The following AKT3 variants were observed in gnomAD, a reference collection of about 807,000 sequenced individuals.
The protein encoded by AKT3 is RAC-gamma serine/threonine-protein kinase.
In AKT3, 15 loss-of-function variants were observed where a neutral mutation model predicts 65.3. The ratio of observed to expected loss-of-function variants is 0.23; its 90% confidence interval spans 0.15 to 0.35. The LOEUF (loss-of-function observed/expected upper bound fraction) is 0.35. AKT3 is among the 10% of genes least tolerant of loss of function. The pLI is 1.00. For missense variants in AKT3, 243 were observed against 576.5 expected, an observed-to-expected ratio of 0.42 and a Z score of 5.92; for synonymous variants, 206 against 183.8, an observed-to-expected ratio of 1.12 and a Z score of -0.98.
intron 2 of AKT3, among the ~76,000 whole-genome samples, chr1:243,702,202 C>T (rs943826250): frequency 6.6e-6 from 1 of 151,208 alleles, no homozygotes; most frequent in Non-Finnish European, 1.5e-5. Context: ...TAAACCAATG[C>T]TATGTTGTGT....
rs1572269320 is a variant in AKT3, at chr1:243,746,961, T to G, written c.47-51245A>C. Among the ~76,000 whole-genome samples, 4 of 152,134 alleles carry G rather than the reference T, an allele frequency of 2.6e-5. No individual in the cohort carries two copies. In the South Asian group the frequency reaches 8.3e-4, roughly 32 times the overall value. ...GCTGCCATGCTGAGTTTAACAACAA[T>G]CATCAAAAGGGGCTTTGGGAGCTCA... On this transcript the variant is annotated intron_variant, in intron 2 of 13. Transcript: ENST00000673466.
At chr1:243,641,617 A>C (rs1558676105) in intron 5 of AKT3, among the ~76,000 whole-genome samples, 1 of 152,128 alleles carries the variant, frequency 6.6e-6, no homozygotes, top group Non-Finnish European at 1.5e-5. Context: ...ATTATAAAAT[A>C]TTACTATATT....
intron 2 of AKT3, among the ~76,000 whole-genome samples, chr1:243,765,616 T>G (rs1358868543): frequency 1.3e-5 from 2 of 152,184 alleles, no homozygotes; most frequent in Non-Finnish European, 2.9e-5. Flanking sequence ...TGTCTCCTGA[T>G]TCCCTTGTTA....
chr1:243,759,642 G>T (rs548898359), intron 2 of AKT3, among the ~76,000 whole-genome samples: 1 of 152,082 alleles, frequency 6.6e-6, no homozygotes, highest in South Asian at 2.1e-4. Context: ...CAATCTGAAG[G>T]TCACATCTTA....
At chr1:243,684,331 C>T (rs764668719) in intron 3 of AKT3, among the ~76,000 whole-genome samples, 8 of 152,070 alleles carry the variant, frequency 5.3e-5, no homozygotes, top group East Asian at 1.9e-4. Context: ...CAACATGCCC[C>T]GGTGTGTGAT....
At chr1:243,840,586 T>A (rs886171814) in intron 2 of AKT3, among the ~76,000 whole-genome samples, 1 of 152,222 alleles carries the variant, frequency 6.6e-6, no homozygotes, top group African/African-American at 2.4e-5. Context: ...TATAATGTAA[T>A]ATTTTAACTG....
intron 2 of AKT3, among the ~76,000 whole-genome samples, chr1:243,701,665 C>CAAAAAAAAA (rs74162707): frequency 8.0e-6 from 1 of 124,962 alleles, no homozygotes; most frequent in Non-Finnish European, 1.6e-5. Context: ...AGAAAAAATG[C>CAAAAAAAAA]AAAAAAAAAA....
At chr1:243,535,208 T>TTTTAAAATATATTTTACAATA in intron 12 of AKT3, among the ~76,000 whole-genome samples, 1 of 47,080 alleles carries the variant, frequency 2.1e-5, no homozygotes, top group African/African-American at 3.9e-5. Flanking sequence ...ATTTTAAAAT[T>TTTTAAAATATATTTTACAATA]ATTTTAAAAT....
At chr1:243,840,133 T>C (rs762282438) in intron 2 of AKT3, among the ~76,000 whole-genome samples, 7 of 152,108 alleles carry the variant, frequency 4.6e-5, no homozygotes, top group Admixed American at 3.3e-4. Context: ...ATCATGCCAC[T>C]GCATTCCAGC....
intron 1 of AKT3, 26 bp from the exon 2 acceptor site, chr1:243,843,308 T>A: frequency 7.2e-7 from 1 of 1,379,870 alleles, no homozygotes; most frequent in Non-Finnish European, 9.4e-7. Flanking sequence ...GAAGAAAGAA[T>A]TTTTTTTCCA....
intron 12 of AKT3, among the ~76,000 whole-genome samples, chr1:243,534,073 T>C (rs1671737345): frequency 6.6e-6 from 1 of 151,910 alleles, no homozygotes; most frequent in Admixed American, 6.6e-5. Context: ...TCTAAAGACA[T>C]CAGCTAAAAG....
intron 2 of AKT3, among the ~76,000 whole-genome samples, chr1:243,818,541 T>C (rs1393487512): frequency 1.3e-5 from 2 of 152,168 alleles, no homozygotes; most frequent in South Asian, 2.1e-4. Flanking sequence ...TAACACTTTT[T>C]TGGACTAAGA....
chr1:243,516,526 C>T (rs1234153265), intron 12 of AKT3, among the ~76,000 whole-genome samples: 1 of 152,058 alleles, frequency 6.6e-6, no homozygotes, highest in Non-Finnish European at 1.5e-5. Context: ...CTGTGTTTAA[C>T]TTGTTCTTAT....
chr1:243,725,973 T>G (rs1232721635), intron 2 of AKT3, among the ~76,000 whole-genome samples: 4 of 152,210 alleles, frequency 2.6e-5, no homozygotes, highest in Non-Finnish European at 5.9e-5. Flanking sequence ...GGAAAGCTAC[T>G]GGCCTTTTTA....
chr1:243,850,656 C>T (rs1474279963), upstream of AKT3, among the ~76,000 whole-genome samples: 1 of 151,862 alleles, frequency 6.6e-6, no homozygotes, highest in East Asian at 2.0e-4. Flanking sequence ...GGGGCTGGCT[C>T]TCGGCGACTG....
Position 243,596,722 on chromosome 1 carries a change from TATTA to T in AKT3, c.696+16945_696+16948del, listed in dbSNP as rs1411844111. 3.3e-5 allele frequency among the ~76,000 whole-genome samples: 5 copies of T among 152,230 alleles called. No homozygotes were observed. In the East Asian group the frequency reaches 9.6e-4, roughly 29 times the overall value. On this transcript the variant is annotated intron_variant, in intron 8 of 13. Transcript: ENST00000673466. ...TAAATCCAACAATCATACTCTTCAG[TATTA>T]ATTAAAGAGAAAAGAAACAGGCCTA...
At chr1:243,555,831 A>G (rs1673369660) in intron 10 of AKT3, among the ~76,000 whole-genome samples, 1 of 152,198 alleles carries the variant, frequency 6.6e-6, no homozygotes, top group South Asian at 2.1e-4. Flanking sequence ...TTGAAGAAAT[A>G]ACTTCTGTCT....
At chr1:243,671,584 A>G (rs1249953181) in intron 3 of AKT3, among the ~76,000 whole-genome samples, 1 of 152,164 alleles carries the variant, frequency 6.6e-6, no homozygotes, top group Non-Finnish European at 1.5e-5. Flanking sequence ...CAATACATCA[A>G]CCTTTAAGAG....
chr1:243,517,517 C>G (rs764052165), intron 12 of AKT3, among the ~76,000 whole-genome samples: 4 of 152,154 alleles, frequency 2.6e-5, no homozygotes, highest in Non-Finnish European at 4.4e-5. Context: ...GTTAATACTT[C>G]TTGATGAAAT....
Sources: allele counts gnomAD v4.1 joint callset (sites outside exome capture counted in the v4.1 genomes callset), GRCh38; gene constraint gnomAD v4.1.1; transcripts MANE v1.5; gene names NCBI Gene and HGNC (gene_info 2026-07-23, HGNC 2026-07-21).